Variants in CACNA1E observed in about 807,000 individuals in gnomAD.
The protein encoded by CACNA1E is calcium voltage-gated channel subunit alpha1 E.
A neutral mutation model predicts 259.2 loss-of-function variants in CACNA1E; 40 were observed. The ratio of observed to expected loss-of-function variants is 0.15; its 90% confidence interval spans 0.12 to 0.20. CACNA1E has a LOEUF of 0.20. CACNA1E is among the 10% of genes least tolerant of loss of function. The pLI, the probability that CACNA1E is intolerant of heterozygous loss-of-function variation, is 1.00. For synonymous variants in CACNA1E, 1,104 were observed against 1,138.5 expected, an observed-to-expected ratio of 0.97 and a Z score of 0.61; for missense variants, 1,874 against 3,040.1, an observed-to-expected ratio of 0.62 and a Z score of 9.02.
At chr1:181,736,230 A>G in intron 21 of CACNA1E, 45 bp from the exon 22 acceptor site, 1 of 1,541,940 alleles carries the variant, frequency 6.5e-7, no homozygotes, top group Non-Finnish European at 8.8e-7. Context: ...TGCCATTTTC[A>G]CATGCCTCAT....
At chr1:181,521,603 G>A (rs1291645436) in intron 3 of CACNA1E, among the ~76,000 whole-genome samples, 1 of 152,214 alleles carries the variant, frequency 6.6e-6, no homozygotes, top group Non-Finnish European at 1.5e-5. Flanking sequence ...TGACTGCTAG[G>A]GACGCAGCAC....
chr1:181,743,154 G>A (rs3767000), intron 25 of CACNA1E, among the ~76,000 whole-genome samples: 56,155 of 151,974 alleles, frequency 0.37, 10,989 homozygotes, highest in Non-Finnish European at 0.44. Flanking sequence ...TCGTTATTCC[G>A]CTGCCCTGAC....
intron 1 of CACNA1E, among the ~76,000 whole-genome samples, chr1:181,386,852 T>C (rs1655887671): frequency 1.3e-5 from 2 of 152,206 alleles, no homozygotes; most frequent in Non-Finnish European, 2.9e-5. Flanking sequence ...TCTTGGTTAA[T>C]TGGGTAACTA....
chr1:181,630,396 C>CG lies in CACNA1E; in HGVS notation c.952-20941dup, dbSNP rs750473402. Among the ~76,000 whole-genome samples the CG allele has an allele frequency of 8.4e-3, 1,265 of 151,062 alleles. 20 individuals are homozygous for CG. The highest frequency in any genetic ancestry group is 0.028 in the African/African-American group (1,150 of 40,906). On this transcript the variant is annotated intron_variant, in intron 6 of 47. Transcript: ENST00000367573. Reference sequence around the variant, plus strand: ...GTGTAATTAACATGCCCCCCCACCCCGCCTTAAAACCTAATATTCATTCAT... The same window carrying CG: ...GTGTAATTAACATGCCCCCCCACCCCGGCCTTAAAACCTAATATTCATTCAT...
chr1:181,737,455 G>A, intron 22 of CACNA1E, 70 bp from the exon 23 acceptor site: 1 of 1,574,546 alleles, frequency 6.4e-7, no homozygotes, highest in Non-Finnish European at 8.7e-7. Flanking sequence ...ATATGTGTAT[G>A]TGGGAGTGAG....
chr1:181,806,146 C>T lies in CACNA1E; in HGVS notation c.*7312C>T, dbSNP rs1046264692. On this transcript the variant is annotated 3_prime_UTR_variant, in exon 48 of 48. Transcript: ENST00000367573. ...AGCGGCTCGAAGACAATCTTTATGA[C>T]TTCAGCAACTCTTCAACATAGTAGC... 2 of 152,174 alleles carry T rather than the reference C, an allele frequency of 1.3e-5. No individual in the cohort carries two copies. Among genetic ancestry groups the T allele is most frequent in the Non-Finnish European group, 2.9e-5 (2 of 68,038 alleles). 9.4% of individuals were successfully genotyped at this position (152,174 alleles called of 1,614,324 possible).
chr1:181,651,684 G>A (rs913578730), intron 7 of CACNA1E: 1 of 341,012 alleles, frequency 2.9e-6, no homozygotes, highest in Admixed American at 4.5e-5. Flanking sequence ...AACACAGTAT[G>A]TAGTGAGAGT....
At chr1:181,457,950 G>C (rs1331833196) in intron 2 of CACNA1E, among the ~76,000 whole-genome samples, 1 of 152,216 alleles carries the variant, frequency 6.6e-6, no homozygotes, top group Non-Finnish European at 1.5e-5. Context: ...GAACCTTGAG[G>C]CCGGGAGTGG....
intron 1 of CACNA1E, among the ~76,000 whole-genome samples, chr1:181,411,617 T>C (rs1364589808): frequency 1.3e-5 from 2 of 152,164 alleles, no homozygotes; most frequent in South Asian, 2.1e-4. Context: ...CCCTCTTTTT[T>C]TTCTTTTTTT....
chr1:181,762,794 G>A (rs1221838537), intron 33 of CACNA1E, 137 bp downstream of exon 33: 2 of 635,392 alleles, frequency 3.1e-6, no homozygotes, highest in African/African-American at 1.9e-5. Flanking sequence ...TTACTCCCTT[G>A]CTGCTTGGCA....
Position 181,755,338 on chromosome 1 carries a change from C to G in CACNA1E, c.3930C>G (p.Leu1310=). Residue 1310 remains leucine (L), a synonymous_variant, in exon 28 of 48, where the codon CTC becomes CTG. Transcript: ENST00000367573. ...MFIFAVIAVQ[L]FKGKFFYCTD... ...TCTTTGCTGTCATCGCAGTTCAGCT[C>G]TTCAAGGGAAAGTTCTTTTATTGCA... 1 of 1,613,960 alleles carries G rather than the reference C, an allele frequency of 6.2e-7. No individual in the cohort carries two copies. The highest frequency in any genetic ancestry group is 8.5e-7 in the Non-Finnish European group (1 of 1,179,804).
At chr1:181,794,830 T>C (rs373975858) in intron 45 of CACNA1E, 34 bp from the exon 46 acceptor site, 2 of 1,584,660 alleles carry the variant, frequency 1.3e-6, no homozygotes, top group Non-Finnish European at 1.7e-6. Flanking sequence ...CGTTAATCCA[T>C]ACCTTGTGTT....
chr1:181,567,782 G>A lies in CACNA1E; in HGVS notation c.513-9984G>A, dbSNP rs7545861. ...GGTCTGCCTTGTCTTCTGTAGAGGTGGGTTTTTTAAACTGTGGATCAGCTC... is the reference window on the plus strand; with the variant it reads ...GGTCTGCCTTGTCTTCTGTAGAGGTAGGTTTTTTAAACTGTGGATCAGCTC... On this transcript the variant is annotated intron_variant, in intron 3 of 47. Coordinates refer to ENST00000367573, the MANE Select transcript of CACNA1E (RefSeq NM_001205293.3). Among the ~76,000 whole-genome samples the A allele has an allele frequency of 4.4e-3, 666 of 152,234 alleles. 4 individuals are homozygous for A. Among genetic ancestry groups the A allele is most frequent in the African/African-American group, 0.015 (635 of 41,540 alleles).
chr1:181,330,290 C>T (rs1324512896), intron 1 of CACNA1E, among the ~76,000 whole-genome samples: 1 of 152,138 alleles, frequency 6.6e-6, no homozygotes, highest in Non-Finnish European at 1.5e-5. Context: ...CTGGCTTTCA[C>T]CACCACCCCT....
chr1:181,797,780 C>G (rs1661941682), intron 47 of CACNA1E, among the ~76,000 whole-genome samples: 1 of 152,200 alleles, frequency 6.6e-6, no homozygotes, highest in Non-Finnish European at 1.5e-5. Context: ...CTGAGTGTAT[C>G]AGGTACAGAA....
intron 2 of CACNA1E, among the ~76,000 whole-genome samples, chr1:181,423,151 A>C (rs1658886382): frequency 6.6e-6 from 1 of 152,176 alleles, no homozygotes; most frequent in Non-Finnish European, 1.5e-5. Context: ...ATATGTACAG[A>C]TCAAGAAGTC....
rs1553358120 is a variant in CACNA1E, at chr1:181,790,307, T to TA, written c.5787-136dup. On this transcript the variant is annotated intron_variant, in intron 43 of 47. Coordinates refer to ENST00000367573, the MANE Select transcript of CACNA1E (RefSeq NM_001205293.3). ...TTCTAGTGCTTTTTTTTTTTTTTTTTAATTTCAGGACTAGCCACATGTAAG... is the reference window on the plus strand; with the variant it reads ...TTCTAGTGCTTTTTTTTTTTTTTTTTAAATTTCAGGACTAGCCACATGTAAG... 0.083 allele frequency: 35,967 copies of TA among 432,962 alleles called. 730 individuals carry two copies. Among genetic ancestry groups the TA allele is most frequent in the South Asian group, 0.19 (3,392 of 17,470 alleles). The allele number at this position is 432,962 out of a possible 1,614,324, so 26.8% of individuals were successfully genotyped here. A position where few individuals can be genotyped will look rare whatever the true frequency, so the allele number is the denominator to read the frequency against.
At chr1:181,420,371 G>T (rs1362155990) in intron 2 of CACNA1E, among the ~76,000 whole-genome samples, 2 of 152,214 alleles carry the variant, frequency 1.3e-5, no homozygotes, top group Non-Finnish European at 2.9e-5. Flanking sequence ...CTTTTCAGGT[G>T]ATGAGGACCT....
rs375694725 is a variant in CACNA1E at position 181,795,124 on chromosome 1, G to C, written c.6208+80G>C. The C allele has an allele frequency of 5.8e-3, 6,897 of 1,198,640 alleles. 376 individuals are homozygous for C. In the South Asian group the frequency reaches 0.095, roughly 16 times the overall value. The allele number at this position is 1,198,640 out of a possible 1,614,324, so 74.3% of individuals were successfully genotyped here. ...ATGCACTTACTCTCCAAGGACTGTA[G>C]ATAACCAGAAAAGAATTCAGAGACA... is the stretch of plus-strand genomic sequence containing the variant. On this transcript the variant is annotated intron_variant, in intron 46 of 47. Transcript: ENST00000367573.
Sources: allele counts gnomAD v4.1 joint callset (sites outside exome capture counted in the v4.1 genomes callset), GRCh38; gene constraint gnomAD v4.1.1; transcripts MANE v1.5; gene names NCBI Gene and HGNC (gene_info 2026-07-23, HGNC 2026-07-21).